Variants in DGKB observed in about 807,000 individuals in gnomAD.
DGKB encodes 90 kDa diacylglycerol kinase.
DGKB carries 67 observed loss-of-function variants against 114.3 expected under a neutral mutation model. That is an observed-to-expected ratio of 0.59 (90% CI 0.48 to 0.72). The LOEUF is 0.72. DGKB is among the 30% of genes least tolerant of loss of function. The pLI, the probability that DGKB is intolerant of heterozygous loss-of-function variation, is 0.00. For missense variants in DGKB, 907 were observed against 975.2 expected (o/e 0.93, Z 0.93); for synonymous variants, 398 against 323.1 (o/e 1.23, Z -2.49).
chr7:14,876,579 T>G (rs1707330351), intron 1 of DGKB, among the ~76,000 whole-genome samples: 1 of 152,198 alleles, frequency 6.6e-6, no homozygotes, highest in African/African-American at 2.4e-5. Flanking sequence ...TTTCTTAGAT[T>G]TTGTTGCTTA....
Position 14,478,293 on chromosome 7 carries a change from C to A in DGKB, c.1771-68G>T. 4 of 916,320 alleles carry A rather than the reference C, an allele frequency of 4.4e-6. No homozygotes were observed. In the Admixed American group the frequency reaches 9.2e-5, roughly 21 times the overall value. The allele number at this position is 916,320 out of a possible 1,614,324, so 56.8% of individuals were successfully genotyped here. A position where few individuals can be genotyped will look rare whatever the true frequency, so the allele number is the denominator to read the frequency against. On this transcript the variant is annotated intron_variant, in intron 20 of 25. Transcript: ENST00000402815. ...TCCTATTATTTTATGAAAATGTAGACTAAATAAAAAAATAACATTTCAAAA... is the reference window on the plus strand; with the variant it reads ...TCCTATTATTTTATGAAAATGTAGAATAAATAAAAAAATAACATTTCAAAA...
chr7:14,167,488 G>A (rs11979373), intron 25 of DGKB, among the ~76,000 whole-genome samples: 58,523 of 151,898 alleles, frequency 0.39, 11,677 homozygotes, highest in South Asian at 0.53. Flanking sequence ...TGAGAGCCCT[G>A]GGAGTAAAAA....
At chr7:14,735,978 A>C (rs1831649773) in intron 5 of DGKB, 63 bp downstream of exon 5, 31 of 981,436 alleles carry the variant, frequency 3.2e-5, no homozygotes, top group Non-Finnish European at 4.3e-5. Flanking sequence ...TTTTATGATA[A>C]CTAGATATTT....
At position 14,613,389 on chromosome 7, in the gene DGKB, GGTGA is replaced by G; in HGVS notation, c.1305_1308del (p.Pro437PhefsTer2). ...TTGGGGTTCACAAAAACTAAAAGTG[GGTGA>G]GTACCAGGCACAGGAGTGACCTATA... On this transcript the variant is annotated frameshift_variant, in exon 16 of 26. Coordinates refer to ENST00000402815, the MANE Select transcript of DGKB (RefSeq NM_001350709.2). LOFTEE classifies it high-confidence loss of function. 6.4e-7 allele frequency: 1 copy of G among 1,568,238 alleles called. No individual in the cohort carries two copies. The highest frequency in any genetic ancestry group is 8.7e-7 in the Non-Finnish European group (1 of 1,154,648).
intron 23 of DGKB, among the ~76,000 whole-genome samples, chr7:14,335,547 A>T (rs1008042073): frequency 6.6e-6 from 1 of 152,290 alleles, no homozygotes; most frequent in African/African-American, 2.4e-5. Context: ...AAATTACGTT[A>T]AGTTTTTCAT....
intron 2 of DGKB, among the ~76,000 whole-genome samples, chr7:14,822,854 T>A (rs1296632532): frequency 6.6e-6 from 1 of 152,084 alleles, no homozygotes; most frequent in Non-Finnish European, 1.5e-5. Flanking sequence ...AGACTTGAAC[T>A]TCTGATTATG....
At chr7:14,265,663 A>T (rs562737428) in intron 23 of DGKB, among the ~76,000 whole-genome samples, 200 of 152,186 alleles carry the variant, frequency 1.3e-3, no homozygotes, top group African/African-American at 3.9e-3. Context: ...ACCTGTTCAT[A>T]TCTGCCTTTC....
chr7:14,239,917 C>T (rs1390160897), intron 23 of DGKB, among the ~76,000 whole-genome samples: 1 of 152,012 alleles, frequency 6.6e-6, no homozygotes, highest in Non-Finnish European at 1.5e-5. Flanking sequence ...ATCTATTTTA[C>T]CATATTACCT....
intron 1 of DGKB, among the ~76,000 whole-genome samples, chr7:14,928,714 C>G (rs1562882585): frequency 6.6e-6 from 1 of 151,634 alleles, no homozygotes; most frequent in Non-Finnish European, 1.5e-5. Flanking sequence ...AAGTGCAATA[C>G]TTTTTTACAT....
chr7:14,272,612 T>A (rs1307199632), intron 23 of DGKB, among the ~76,000 whole-genome samples: 1 of 152,180 alleles, frequency 6.6e-6, no homozygotes, highest in Non-Finnish European at 1.5e-5. Context: ...CTTAACTGTA[T>A]CTATGGTCAC....
chr7:14,354,700 T>A (rs1005626146), intron 21 of DGKB, among the ~76,000 whole-genome samples: 2 of 152,194 alleles, frequency 1.3e-5, no homozygotes, highest in Non-Finnish European at 2.9e-5. Context: ...TTGCTGAAAT[T>A]CCATAGTTAC....
chr7:14,656,119 A>T (rs1186513683), intron 13 of DGKB, among the ~76,000 whole-genome samples: 1 of 151,724 alleles, frequency 6.6e-6, no homozygotes, highest in Non-Finnish European at 1.5e-5. Context: ...TCATACAGGC[A>T]TCAAAATATC....
intron 23 of DGKB, among the ~76,000 whole-genome samples, chr7:14,309,586 G>C (rs1476089495): frequency 6.6e-6 from 1 of 152,192 alleles, no homozygotes; most frequent in East Asian, 1.9e-4. Context: ...TGAACTTCTA[G>C]ATTTCTAGAT....
At chr7:14,179,603 C>T (rs1247246533) in intron 23 of DGKB, among the ~76,000 whole-genome samples, 1 of 152,124 alleles carries the variant, frequency 6.6e-6, no homozygotes, top group Non-Finnish European at 1.5e-5. Context: ...TTTAGAGATG[C>T]TAATGATTTA....
chr7:14,704,447 C>CAAA (rs774905779), intron 6 of DGKB, among the ~76,000 whole-genome samples: 3,095 of 53,370 alleles, frequency 0.058, 74 homozygotes, highest in Non-Finnish European at 0.068. Context: ...GACTCCATCT[C>CAAA]AAAAAAAAAA....
intron 23 of DGKB, among the ~76,000 whole-genome samples, chr7:14,222,929 T>C (rs1790229925): frequency 6.6e-6 from 1 of 151,692 alleles, no homozygotes; most frequent in Non-Finnish European, 1.5e-5. Context: ...TTCTTTGTTT[T>C]AAACTCTATC....
rs773102280 is a variant in DGKB at position 14,304,046 on chromosome 7, A to AACACACAC, written c.2122+34461_2122+34468dup. ...TATTATACACCATTTGTTCTTATAG[A>AACACACAC]ACACACACACACACACACACACACA... On this transcript the variant is annotated intron_variant, in intron 23 of 25. Coordinates refer to ENST00000402815, the MANE Select transcript of DGKB (RefSeq NM_001350709.2). Among the ~76,000 whole-genome samples the AACACACAC allele has an allele frequency of 3.5e-3, 400 of 112,700 alleles. 1 individual carries two copies. The highest frequency in any genetic ancestry group is 0.013 in the African/African-American group (369 of 28,820). 73.9% of individuals were successfully genotyped at this position (112,700 alleles called of 152,430 possible). A position where few individuals can be genotyped will look rare whatever the true frequency, so the allele number is the denominator to read the frequency against.
At chr7:14,674,722 A>G (rs1302646914) in intron 12 of DGKB, among the ~76,000 whole-genome samples, 1 of 152,140 alleles carries the variant, frequency 6.6e-6, no homozygotes, top group Non-Finnish European at 1.5e-5. Context: ...AGAGAGGAGA[A>G]GTCCCTCTGA....
At chr7:14,288,903 A>T (rs1341877354) in intron 23 of DGKB, among the ~76,000 whole-genome samples, 3 of 152,208 alleles carry the variant, frequency 2.0e-5, no homozygotes, top group Non-Finnish European at 1.5e-5. Context: ...GTTGCTCTTG[A>T]GTGGAAGGCT....
Sources: gnomAD v4.1 joint callset for allele counts (sites outside exome capture counted in the v4.1 genomes callset) on GRCh38, gnomAD v4.1.1 for gene constraint, MANE v1.5 for transcripts, NCBI Gene and HGNC (gene_info 2026-07-23, HGNC 2026-07-21) for gene names.